The following CDKL1 variants were observed in gnomAD, a reference collection of about 807,000 sequenced individuals.
The protein encoded by CDKL1 is cyclin-dependent kinase-like 1.
In CDKL1, 41 loss-of-function variants were observed where a neutral mutation model predicts 42.0. The ratio of observed to expected loss-of-function variants is 0.98; its 90% CI spans 0.76 to 1.27. CDKL1 has a LOEUF of 1.27. Among genes scored for constraint, CDKL1 ranks in the 50% most tolerant of loss-of-function variants. The pLI, the probability that CDKL1 is intolerant of heterozygous loss-of-function variation, is 0.00. For synonymous variants in CDKL1, 153 were observed against 158.6 expected, an observed-to-expected ratio of 0.96 and a Z score of 0.26; for missense variants, 394 against 428.4, an observed-to-expected ratio of 0.92 and a Z score of 0.71.
At chr14:50,367,522 A>G (rs545359477) in intron 2 of CDKL1, among the ~76,000 whole-genome samples, 9 of 152,326 alleles carry the variant, frequency 5.9e-5, no homozygotes, top group African/African-American at 1.7e-4. Flanking sequence ...TTCTGCTTCA[A>G]TGCTGAATGG....
chr14:50,335,658 A>AT, intron 7 of CDKL1: 1 of 1,508,082 alleles, frequency 6.6e-7, no homozygotes, highest in Non-Finnish European at 8.9e-7. Context: ...GGCTGAGAAA[A>AT]TAAGAGCCAG....
intron 3 of CDKL1, among the ~76,000 whole-genome samples, chr14:50,350,543 C>G (rs182736562): frequency 6.6e-6 from 1 of 152,146 alleles, no homozygotes; most frequent in Non-Finnish European, 1.5e-5. Flanking sequence ...GAACTTTAGA[C>G]GAGCCATATA....
At chr14:50,366,951 T>G (rs567915548) in intron 2 of CDKL1, among the ~76,000 whole-genome samples, 39 of 152,266 alleles carry the variant, frequency 2.6e-4, no homozygotes, top group Middle Eastern at 6.8e-3. Flanking sequence ...AGTTGTTATG[T>G]CAGCCAGAGT....
At position 50,390,025 on chromosome 14, in the gene CDKL1, TA is replaced by T. The variant is rs2035207248; in HGVS notation, c.168+5675del. ...CTACCTTCTAAGGTTGTTATTAGTGTAACGATATCTACCTTCTAAGGTTGTT... is the reference window on the plus strand; with the variant it reads ...CTACCTTCTAAGGTTGTTATTAGTGTACGATATCTACCTTCTAAGGTTGTT... On this transcript the variant is annotated intron_variant, in intron 2 of 9. Transcript: ENST00000395834. 1.2e-5 allele frequency: 7 copies of T among 590,400 alleles called. No homozygotes were observed. In the Admixed American group the frequency reaches 1.4e-4, roughly 12 times the overall value. The allele number at this position is 590,400 out of a possible 1,614,324, so 36.6% of individuals were successfully genotyped here.
chr14:50,379,000 C>T (rs1250043047), intron 2 of CDKL1, among the ~76,000 whole-genome samples: 1 of 152,044 alleles, frequency 6.6e-6, no homozygotes, highest in Admixed American at 6.6e-5. Flanking sequence ...TACAGGTGCG[C>T]ACCATCACAC....
intron 4 of CDKL1, among the ~76,000 whole-genome samples, chr14:50,343,863 T>C (rs1336610176): frequency 1.3e-5 from 2 of 152,236 alleles, no homozygotes; most frequent in Non-Finnish European, 2.9e-5. Flanking sequence ...ACAAGGATTA[T>C]AGCCTTTAGC....
chr14:50,374,331 G>A (rs766773193), intron 2 of CDKL1, among the ~76,000 whole-genome samples: 14 of 152,232 alleles, frequency 9.2e-5, no homozygotes, highest in Non-Finnish European at 2.9e-5. Flanking sequence ...TATTCTATAT[G>A]ATACTGTAAT....
At chr14:50,377,725 C>T (rs369075274) in intron 2 of CDKL1, 19 of 1,276,566 alleles carry the variant, frequency 1.5e-5, no homozygotes, top group African/African-American at 1.1e-4. Context: ...AAGCTTGCTT[C>T]GGCACTGCAG....
At chr14:50,360,706 A>T in intron 2 of CDKL1, among the ~76,000 whole-genome samples, 1 of 151,956 alleles carries the variant, frequency 6.6e-6, no homozygotes, top group East Asian at 1.9e-4. Context: ...GAACCCGGCC[A>T]TGAGCCACCG....
intron 7 of CDKL1, among the ~76,000 whole-genome samples, chr14:50,338,027 A>AT (rs2033371656): frequency 6.6e-6 from 1 of 152,152 alleles, no homozygotes; most frequent in Admixed American, 6.5e-5. Context: ...TGGAATACTA[A>AT]AGGAAATAAT....
intron 2 of CDKL1, among the ~76,000 whole-genome samples, chr14:50,395,448 G>C (rs913587641): frequency 1.3e-5 from 2 of 152,208 alleles, no homozygotes; most frequent in East Asian, 3.9e-4. Context: ...CATGTCCCAT[G>C]ACATTCTTTT....
At chr14:50,360,340 A>G (rs114903349) in intron 2 of CDKL1, among the ~76,000 whole-genome samples, 124 of 152,098 alleles carry the variant, frequency 8.2e-4, no homozygotes, top group African/African-American at 2.9e-3. Flanking sequence ...CTGAAAGTCT[A>G]TGCCCATTAA....
At chr14:50,360,066 C>T (rs1053329175) in intron 2 of CDKL1, among the ~76,000 whole-genome samples, 2 of 152,140 alleles carry the variant, frequency 1.3e-5, no homozygotes, top group Non-Finnish European at 2.9e-5. Context: ...TACTGTTGTA[C>T]GATTTAACAC....
Position 50,335,546 on chromosome 14 carries a change from C to T in CDKL1, c.739-925G>A, listed in dbSNP as rs11570852. On this transcript the variant is annotated intron_variant, in intron 7 of 9. Coordinates refer to ENST00000395834, the MANE Select transcript of CDKL1 (RefSeq NM_004196.7). ...TTTTGCGCCAGTCACGTGCTGGAGA[C>T]AATCAGGAATAACACTATAAATGGG... 7.4e-4 allele frequency: 1,133 copies of T among 1,535,998 alleles called. 7 individuals are homozygous for T. The African/African-American group carries it at 0.014, about 19-fold the overall frequency.
At chr14:50,395,625 T>C (rs1024952294) in intron 2 of CDKL1, 76 bp downstream of exon 2, 15 of 991,312 alleles carry the variant, frequency 1.5e-5, no homozygotes, top group Non-Finnish European at 2.3e-5. Flanking sequence ...TATGATCACA[T>C]GGCTGCACTC....
intron 2 of CDKL1, among the ~76,000 whole-genome samples, chr14:50,374,086 T>A (rs983352355): frequency 1.3e-5 from 2 of 152,138 alleles, no homozygotes; most frequent in Non-Finnish European, 2.9e-5. Context: ...CGTGATATCA[T>A]CCACCGATAA....
intron 2 of CDKL1, among the ~76,000 whole-genome samples, chr14:50,395,041 G>A (rs927923919): frequency 1.3e-5 from 2 of 152,134 alleles, no homozygotes; most frequent in African/African-American, 4.8e-5. Context: ...TTTTAGAAAC[G>A]GGACATGATG....
intron 2 of CDKL1, among the ~76,000 whole-genome samples, chr14:50,387,350 C>T (rs1261592674): frequency 2.0e-5 from 3 of 151,808 alleles, no homozygotes; most frequent in Admixed American, 6.6e-5. Flanking sequence ...GGTGAAACCC[C>T]GTCTCTACTA....
At chr14:50,380,025 G>T (rs750384596) in intron 2 of CDKL1, 6 of 455,908 alleles carry the variant, frequency 1.3e-5, no homozygotes, top group Non-Finnish European at 2.7e-5. Context: ...ACAGGTCCAT[G>T]AATCCATTCT....
Sources: gnomAD v4.1 joint callset for allele counts (sites outside exome capture counted in the v4.1 genomes callset) on GRCh38, gnomAD v4.1.1 for gene constraint, MANE v1.5 for transcripts, NCBI Gene and HGNC (gene_info 2026-07-23, HGNC 2026-07-21) for gene names.